Variants in TENM4 observed in about 807,000 individuals in gnomAD.
TENM4 encodes the protein teneurin transmembrane protein 4, also known as teneurin-4.
In TENM4, 82 loss-of-function variants were observed where a neutral mutation model predicts 243.3. That is an observed-to-expected ratio of 0.34 (90% CI 0.28 to 0.40). The LOEUF is 0.40. TENM4 is among the 10% of genes least tolerant of loss of function. The pLI is 1.00. For synonymous variants in TENM4, 1,412 were observed against 1,456.3 expected, an observed-to-expected ratio of 0.97 and a Z score of 0.69; for missense variants, 3,138 against 3,673.3, an observed-to-expected ratio of 0.85 and a Z score of 3.77.
intron 26 of TENM4, among the ~76,000 whole-genome samples, chr11:78,710,341 A>G (rs955733549): frequency 7.9e-5 from 12 of 152,302 alleles, no homozygotes; most frequent in Non-Finnish European, 1.6e-4. Context: ...CCGGGGACCC[A>G]CGTGTCTCTC....
chr11:78,688,081 A>T lies in TENM4; in HGVS notation c.5233T>A (p.Ser1745Thr). 6.2e-7 allele frequency: 1 copy of T among 1,613,838 alleles called. No homozygotes were observed. The highest frequency in any genetic ancestry group is 2.2e-5 in the East Asian group (1 of 44,870). The change falls in exon 29 of 34, where the codon TCA becomes ACA. Residue 1745 changes from serine (S) to threonine (T), a missense_variant. Physicochemically the swap from Ser to Thr is moderately conservative, Grantham distance 58. This residue lies in a region of TENM4 where 2,467 missense variants were observed against 3,059.1 expected (regional missense o/e 0.81). Coordinates refer to ENST00000278550, the MANE Select transcript of TENM4 (RefSeq NM_001098816.3). ...DVTITTNLSA[S>T]GAFYTLLQDQ... ...TGCAGCAGTGTGTAGAAGGCGCCTGAGGCAGACAGGTTGGTGGTTATGGTG... is the reference window on the plus strand; with the variant it reads ...TGCAGCAGTGTGTAGAAGGCGCCTGTGGCAGACAGGTTGGTGGTTATGGTG...
chr11:78,890,037 G>C lies in TENM4; in HGVS notation c.849-17C>G, dbSNP rs1260608142. ...AGGAAGTGCCTGCAGATGGAGAGCA[G>C]CAAGAGGGTGTCAGGGGCTGCCCAC... On this transcript the variant is annotated splice_polypyrimidine_tract_variant and intron_variant, in intron 8 of 33. Coordinates refer to ENST00000278550, the MANE Select transcript of TENM4 (RefSeq NM_001098816.3). 1.3e-6 allele frequency: 2 copies of C among 1,518,988 alleles called. No homozygotes were observed. Among genetic ancestry groups the C allele is most frequent in the African/African-American group, 2.8e-5 (2 of 72,526 alleles). The allele number at this position is 1,518,988 out of a possible 1,614,324, so 94.1% of individuals were successfully genotyped here.
chr11:78,854,719 T>G (rs1858634816), intron 11 of TENM4, among the ~76,000 whole-genome samples: 1 of 149,776 alleles, frequency 6.7e-6, no homozygotes, highest in South Asian at 2.2e-4. Context: ...TCTTGGGGGG[T>G]GGTGGAGGGG....
At position 78,947,607 on chromosome 11, in the gene TENM4, G is replaced by A. The variant is rs371868141; in HGVS notation, c.494-44084C>T. ...ATGCCTTAGCTATAAACCTCCGACA[G>A]AGAGAGTGCGGGGGCAAGGCTGACC... On this transcript the variant is annotated intron_variant, in intron 6 of 33. Coordinates refer to ENST00000278550, the MANE Select transcript of TENM4 (RefSeq NM_001098816.3). Among the ~76,000 whole-genome samples the A allele has an allele frequency of 1.2e-4, 18 of 152,368 alleles. No individual in the cohort carries two copies. The East Asian group carries it at 2.7e-3, about 23-fold the overall frequency.
At chr11:79,164,794 A>G (rs1330575775) in intron 3 of TENM4, among the ~76,000 whole-genome samples, 1 of 151,448 alleles carries the variant, frequency 6.6e-6, no homozygotes, top group African/African-American at 2.4e-5. Flanking sequence ...TTGCTTCATC[A>G]TTTTCTCTTG....
At chr11:78,774,937 T>G (rs1332580426) in intron 17 of TENM4, among the ~76,000 whole-genome samples, 2 of 152,216 alleles carry the variant, frequency 1.3e-5, no homozygotes, top group African/African-American at 4.8e-5. Flanking sequence ...CCATACTTTG[T>G]TCCAGGAAGG....
chr11:79,098,248 G>C (rs189195015), intron 4 of TENM4, among the ~76,000 whole-genome samples: 2 of 145,580 alleles, frequency 1.4e-5, no homozygotes, highest in African/African-American at 5.2e-5. Context: ...AGCTCAGTGA[G>C]AATCATCTTT....
At chr11:78,737,469 G>T (rs907356096) in intron 20 of TENM4, among the ~76,000 whole-genome samples, 6 of 152,138 alleles carry the variant, frequency 3.9e-5, no homozygotes, top group Non-Finnish European at 8.8e-5. Context: ...TTATCACCTC[G>T]GCCGGGACAT....
intron 6 of TENM4, among the ~76,000 whole-genome samples, chr11:78,976,402 C>T (rs1857655070): frequency 6.6e-6 from 1 of 151,828 alleles, no homozygotes; most frequent in Non-Finnish European, 1.5e-5. Context: ...TGTTATATTT[C>T]AATAAAAAGT....
chr11:79,298,300 G>A lies in TENM4; in HGVS notation c.-320-757C>T, dbSNP rs552348156. Among the ~76,000 whole-genome samples, 671 of 151,976 alleles carry A rather than the reference G, an allele frequency of 4.4e-3. 2 individuals are homozygous for A. Among genetic ancestry groups the A allele is most frequent in the Non-Finnish European group, 8.3e-3 (565 of 67,942 alleles). ...GGAGGCCGAGGCGGGTGGATCATGA[G>A]GTCAGGAGATCGAGACCATCCTGGC... is the stretch of plus-strand genomic sequence containing the variant. On this transcript the variant is annotated intron_variant, in intron 1 of 33. Coordinates refer to ENST00000278550, the MANE Select transcript of TENM4 (RefSeq NM_001098816.3).
At chr11:78,980,606 A>C (rs566378039) in intron 6 of TENM4, among the ~76,000 whole-genome samples, 40 of 152,372 alleles carry the variant, frequency 2.6e-4, no homozygotes, top group African/African-American at 9.6e-4. Context: ...AACAGTAGCG[A>C]AGTCTGGCTT....
intron 18 of TENM4, among the ~76,000 whole-genome samples, chr11:78,770,720 A>C (rs79231033): frequency 0.01 from 1,594 of 152,350 alleles, 34 homozygotes; most frequent in African/African-American, 0.037. Flanking sequence ...GAATTGTTAG[A>C]AACCTCTTTC....
chr11:79,411,199 G>A (rs1246713854), intron 1 of TENM4, among the ~76,000 whole-genome samples: 1 of 152,142 alleles, frequency 6.6e-6, no homozygotes, highest in Non-Finnish European at 1.5e-5. Context: ...TCTTCCCCAG[G>A]CCATGGTATT....
intron 3 of TENM4, among the ~76,000 whole-genome samples, chr11:79,150,013 G>T (rs994882301): frequency 6.6e-6 from 1 of 152,152 alleles, no homozygotes; most frequent in Non-Finnish European, 1.5e-5. Context: ...GGCAGGTAGA[G>T]GTGGGAACCC....
rs1394819391 is a variant in TENM4 at position 79,378,405 on chromosome 11, C to T, written c.-321+62104G>A. Among the ~76,000 whole-genome samples the T allele has an allele frequency of 4.6e-5, 7 of 152,212 alleles. No individual in the cohort carries two copies. In the East Asian group the frequency reaches 9.6e-4, roughly 21 times the overall value. On this transcript the variant is annotated intron_variant, in intron 1 of 33. Transcript: ENST00000278550. ...AACAGGGGAAAGAAGATGATGAAAA[C>T]GAGCAAGACTGGTGGAGAAGGAACA... is the stretch of plus-strand genomic sequence containing the variant.
chr11:78,720,702 G>C (rs1859627066), intron 24 of TENM4, among the ~76,000 whole-genome samples: 1 of 152,174 alleles, frequency 6.6e-6, no homozygotes, highest in Non-Finnish European at 1.5e-5. Context: ...GATTGGAATA[G>C]TGGATTCTCT....
chr11:78,890,831 T>C lies in TENM4; in HGVS notation c.848+407A>G, dbSNP rs1031081391. 1.5e-4 allele frequency among the ~76,000 whole-genome samples: 23 copies of C among 152,308 alleles called. 1 individual carries two copies. The highest frequency in any genetic ancestry group is 1.2e-3 in the Admixed American group (19 of 15,304). The stretch of plus-strand genomic sequence containing the variant: ...GCCATGGGAGGACTTGCACACAGCC[T>C]GGGAAATGGAGTGTGCTGGTTGCAC... On this transcript the variant is annotated intron_variant, in intron 8 of 33. Coordinates refer to ENST00000278550, the MANE Select transcript of TENM4 (RefSeq NM_001098816.3).
At chr11:78,880,488 A>AAAAAAAAAAAAAGAG (rs1368857006) in intron 9 of TENM4, among the ~76,000 whole-genome samples, 1 of 113,000 alleles carries the variant, frequency 8.8e-6, no homozygotes, top group African/African-American at 3.5e-5. Flanking sequence ...AAAAAAAAAA[A>AAAAAAAAAAAAAGAG]AGAAAGAAAA....
At chr11:79,433,146 G>T (rs543255582) in intron 1 of TENM4, among the ~76,000 whole-genome samples, 9 of 152,250 alleles carry the variant, frequency 5.9e-5, no homozygotes, top group Admixed American at 5.2e-4. Flanking sequence ...ACATCCAGGG[G>T]TCATGATTAT....
Sources: gnomAD v4.1 joint callset for allele counts (sites outside exome capture counted in the v4.1 genomes callset) on GRCh38, gnomAD v4.1.1 for gene constraint, gnomAD v4.1.1 regional missense constraint, MANE v1.5 for transcripts, NCBI Gene and HGNC (gene_info 2026-07-23, HGNC 2026-07-21) for gene names.